Variants in CALN1 observed in about 807,000 individuals in gnomAD.
CALN1 encodes calneuron 1.
CALN1 carries 17 observed loss-of-function variants against 30.6 expected under a neutral mutation model. That is an observed-to-expected ratio of 0.56 (90% CI 0.38 to 0.83). The LOEUF is 0.83. Among genes scored for constraint, CALN1 ranks in the 40% least tolerant of loss-of-function variants. The pLI, the probability that CALN1 is intolerant of heterozygous loss-of-function variation, is 0.00. For missense variants in CALN1, 291 were observed against 354.9 expected (o/e 0.82, Z 1.45); for synonymous variants, 156 against 131.4 (o/e 1.19, Z -1.28).
chr7:72,271,575 A>AAAAAAAAATATATATATAT, intron 3 of CALN1, among the ~76,000 whole-genome samples: 7 of 52,126 alleles, frequency 1.3e-4, no homozygotes, highest in African/African-American at 9.4e-4. Context: ...AAAAAAAAAA[A>AAAAAAAAATATATATATAT]ATATATATAT....
intron 5 of CALN1, among the ~76,000 whole-genome samples, chr7:71,959,687 G>A (rs902839208): frequency 6.6e-6 from 1 of 151,480 alleles, no homozygotes. Context: ...GGTGAGACAC[G>A]ATGGTCACCC....
intron 3 of CALN1, among the ~76,000 whole-genome samples, chr7:72,263,622 C>T (rs1027152746): frequency 2.6e-5 from 4 of 152,042 alleles, no homozygotes; most frequent in Admixed American, 2.0e-4. Context: ...CACTATGTTG[C>T]CCAGGCTGGT....
chr7:72,215,747 G>A (rs1011425744), intron 3 of CALN1, among the ~76,000 whole-genome samples: 4 of 152,102 alleles, frequency 2.6e-5, no homozygotes, highest in Middle Eastern at 6.3e-3. Context: ...ACCCAGCTAG[G>A]ATCTCCCTGC....
chr7:71,843,500 G>A lies in CALN1; in HGVS notation c.502-33008C>T, dbSNP rs545769759. 9.0e-4 allele frequency among the ~76,000 whole-genome samples: 137 copies of A among 152,218 alleles called. 2 individuals carry two copies. In the Middle Eastern group the frequency reaches 0.01, roughly 11 times the overall value. On this transcript the variant is annotated intron_variant, in intron 5 of 6. Transcript: ENST00000395275. ...TAGCCAGGCATGGTAGTGTGCACCTGGAGTCACAGCTACTTGAAAGGCTGC... is the reference window on the plus strand; with the variant it reads ...TAGCCAGGCATGGTAGTGTGCACCTAGAGTCACAGCTACTTGAAAGGCTGC...
At chr7:71,929,824 T>C (rs535118917) in intron 5 of CALN1, among the ~76,000 whole-genome samples, 21 of 152,304 alleles carry the variant, frequency 1.4e-4, no homozygotes, top group African/African-American at 4.6e-4. Flanking sequence ...GTCTTCCCAA[T>C]TGGCTGCACA....
At chr7:72,221,664 C>T (rs539764090) in intron 3 of CALN1, among the ~76,000 whole-genome samples, 98 of 152,148 alleles carry the variant, frequency 6.4e-4, no homozygotes, top group African/African-American at 2.3e-3. Context: ...GCGAGGAGAG[C>T]GGATCACCTG....
At chr7:72,210,239 A>G (rs1358533503) in intron 3 of CALN1, among the ~76,000 whole-genome samples, 1 of 151,778 alleles carries the variant, frequency 6.6e-6, no homozygotes, top group African/African-American at 2.4e-5. Flanking sequence ...CTGCAGTTCC[A>G]TTTTTCCTGT....
intron 3 of CALN1, among the ~76,000 whole-genome samples, chr7:72,236,695 T>A (rs190534736): frequency 5.3e-5 from 8 of 152,308 alleles, no homozygotes; most frequent in Admixed American, 2.6e-4. Context: ...CCAAATGACA[T>A]CCCAGAGCAA....
At chr7:72,152,566 G>A (rs1224340388) in intron 3 of CALN1, among the ~76,000 whole-genome samples, 1 of 152,058 alleles carries the variant, frequency 6.6e-6, no homozygotes. Flanking sequence ...CAGTCCACAA[G>A]CCCAGCAATA....
intron 2 of CALN1, among the ~76,000 whole-genome samples, chr7:72,381,022 TA>T (rs1227224828): frequency 6.6e-6 from 1 of 151,936 alleles, no homozygotes; most frequent in African/African-American, 2.4e-5. Flanking sequence ...AGCAGCTGAA[TA>T]AAAATGTACA....
At chr7:71,982,665 C>T (rs920772554) in intron 5 of CALN1, among the ~76,000 whole-genome samples, 6 of 152,078 alleles carry the variant, frequency 3.9e-5, no homozygotes, top group Admixed American at 2.6e-4. Context: ...TTATAGCTTC[C>T]AAACCAAGGA....
intron 5 of CALN1, among the ~76,000 whole-genome samples, chr7:71,818,687 TATTTATTTATTTA>T (rs886467895): frequency 4.2e-5 from 6 of 143,998 alleles, no homozygotes; most frequent in African/African-American, 1.6e-4. Context: ...TTTATTTATT[TATTTATTTATTTA>T]TTTATTTATT....
At chr7:72,111,606 T>G (rs183700818) in intron 3 of CALN1, among the ~76,000 whole-genome samples, 2 of 152,056 alleles carry the variant, frequency 1.3e-5, no homozygotes, top group East Asian at 3.9e-4. Context: ...CATGCTCGAC[T>G]AATTTTTTAT....
chr7:72,384,539 G>A (rs1805090365), intron 2 of CALN1, among the ~76,000 whole-genome samples: 1 of 152,062 alleles, frequency 6.6e-6, no homozygotes, highest in Non-Finnish European at 1.5e-5. Flanking sequence ...GAGGTTGACA[G>A]GGGAGGATTG....
At chr7:72,502,950 C>T in the CALN1 span, among the ~76,000 whole-genome samples, 17 of 152,028 alleles carry the variant, frequency 1.1e-4, no homozygotes, top group Non-Finnish European at 2.2e-4. Context: ...GTCAGGAGTT[C>T]GAGACCAGCC....
chr7:71,896,718 C>T (rs972245177), intron 5 of CALN1, among the ~76,000 whole-genome samples: 25 of 152,138 alleles, frequency 1.6e-4, no homozygotes, highest in Admixed American at 1.4e-3. Flanking sequence ...TCAGACTGAA[C>T]CAACAGCAAA....
the CALN1 span, among the ~76,000 whole-genome samples, chr7:72,452,531 C>A: frequency 6.6e-6 from 1 of 152,162 alleles, no homozygotes; most frequent in Non-Finnish European, 1.5e-5. Flanking sequence ...GCCTGCTCCC[C>A]CTTCACCTTC....
rs368384992 is a variant in CALN1 at position 72,155,423 on chromosome 7, C to T, written c.245-49129G>A. 2.2e-4 allele frequency among the ~76,000 whole-genome samples: 33 copies of T among 149,556 alleles called. No homozygotes were observed. In the South Asian group the frequency reaches 5.5e-3, roughly 25 times the overall value. ...AGGAGAATGGCTTGAACCTGGGAGG[C>T]GGAGCTTGCAATGAGCCGAGATCAC... On this transcript the variant is annotated intron_variant, in intron 3 of 6. Coordinates refer to ENST00000395275, the MANE Select transcript of CALN1 (RefSeq NM_031468.4).
rs147445243 is a variant in CALN1, at chr7:72,109,278, G to A, written c.245-2984C>T. On this transcript the variant is annotated intron_variant, in intron 3 of 6. Transcript: ENST00000395275. ...CAGGACCCTAGGCTCCCAGCCAGGC[G>A]TATTAGCTAATTAGGTCCACGGCCA... Among the ~76,000 whole-genome samples, 602 of 152,256 alleles carry A rather than the reference G, an allele frequency of 4.0e-3. 2 individuals are homozygous for A. Among genetic ancestry groups the A allele is most frequent in the Admixed American group, 6.2e-3 (95 of 15,294 alleles).
Sources: gnomAD v4.1 joint callset for allele counts (sites outside exome capture counted in the v4.1 genomes callset) on GRCh38, gnomAD v4.1.1 for gene constraint, MANE v1.5 for transcripts, NCBI Gene and HGNC (gene_info 2026-07-23, HGNC 2026-07-21) for gene names.